PCBP3: variants seen among roughly 807,000 people sequenced by gnomAD.
PCBP3 encodes the protein poly(rC) binding protein 3.
A neutral mutation model predicts 52.7 loss-of-function variants in PCBP3; 25 were observed. That is an observed-to-expected ratio of 0.47 (90% CI 0.35 to 0.66). The LOEUF is 0.66. Among genes scored for constraint, PCBP3 ranks in the 30% least tolerant of loss-of-function variants. The pLI, the probability that PCBP3 is intolerant of heterozygous loss-of-function variation, is 0.01. For missense variants in PCBP3, 391 were observed against 490.3 expected, an observed-to-expected ratio of 0.80 and a Z score of 1.91; for synonymous variants, 162 against 183.0, an observed-to-expected ratio of 0.89 and a Z score of 0.93.
At chr21:45,742,967 T>C (rs1349006208) in intron 3 of PCBP3, among the ~76,000 whole-genome samples, 1 of 152,232 alleles carries the variant, frequency 6.6e-6, no homozygotes, top group African/African-American at 2.4e-5. Context: ...TATTGAGGTT[T>C]CTTTTCAAAT....
intron 4 of PCBP3, among the ~76,000 whole-genome samples, chr21:45,816,352 A>G (rs900416215): frequency 6.6e-6 from 1 of 152,050 alleles, no homozygotes; most frequent in African/African-American, 2.4e-5. Context: ...CGCTTAGCTT[A>G]AAACACAAAC....
chr21:45,843,616 T>C (rs966047074), intron 4 of PCBP3, among the ~76,000 whole-genome samples: 10 of 152,242 alleles, frequency 6.6e-5, no homozygotes, highest in Non-Finnish European at 1.5e-4. Context: ...AGGTCTGTTT[T>C]CTGATCTCAT....
chr21:45,814,268 A>G (rs1348525202), intron 4 of PCBP3, among the ~76,000 whole-genome samples: 1 of 152,242 alleles, frequency 6.6e-6, no homozygotes, highest in African/African-American at 2.4e-5. Flanking sequence ...TGGGTGAGTG[A>G]GTGGTGGGTG....
At chr21:45,844,851 G>A (rs1025558256) in intron 4 of PCBP3, among the ~76,000 whole-genome samples, 1 of 140,168 alleles carries the variant, frequency 7.1e-6, no homozygotes, top group Non-Finnish European at 1.6e-5. Context: ...CGTATATAAA[G>A]TTATAACTTT....
At chr21:45,846,398 T>C (rs1271119215) in intron 4 of PCBP3, among the ~76,000 whole-genome samples, 1 of 152,176 alleles carries the variant, frequency 6.6e-6, no homozygotes, top group African/African-American at 2.4e-5. Context: ...GAGGTTTTCT[T>C]TGTGCCCTAA....
chr21:45,905,760 C>T (rs1216103055), intron 9 of PCBP3, among the ~76,000 whole-genome samples: 1 of 152,210 alleles, frequency 6.6e-6, no homozygotes, highest in Non-Finnish European at 1.5e-5. Context: ...TTAGGGTCTA[C>T]TGTAGGGACC....
chr21:45,700,588 C>T (rs1718272182), intron 2 of PCBP3, among the ~76,000 whole-genome samples: 1 of 152,210 alleles, frequency 6.6e-6, no homozygotes, highest in Non-Finnish European at 1.5e-5. Context: ...AACCACCTCT[C>T]CGGTGCTAAC....
intron 4 of PCBP3, among the ~76,000 whole-genome samples, chr21:45,843,447 C>T (rs928248408): frequency 6.6e-6 from 1 of 152,184 alleles, no homozygotes; most frequent in Non-Finnish European, 1.5e-5. Flanking sequence ...TTTCCACTTT[C>T]TGTGGATACT....
chr21:45,909,608 C>T (rs990811961), intron 10 of PCBP3, 122 bp downstream of exon 10: 38 of 903,366 alleles, frequency 4.2e-5, no homozygotes, highest in Middle Eastern at 3.4e-4. Context: ...ATGCTGGCCA[C>T]GCAGACCCCA....
intron 4 of PCBP3, among the ~76,000 whole-genome samples, chr21:45,784,424 A>C (rs1448201309): frequency 1.3e-5 from 1 of 78,858 alleles, no homozygotes; most frequent in African/African-American, 5.5e-5. Context: ...CGCTACCCCT[A>C]CCTCCTACCT....
chr21:45,894,094 A>T, intron 5 of PCBP3: 1 of 941,358 alleles, frequency 1.1e-6, no homozygotes, highest in Non-Finnish European at 1.3e-6. Context: ...CAGCTCTGGG[A>T]GCTGCTGACT....
intron 5 of PCBP3, among the ~76,000 whole-genome samples, chr21:45,860,760 C>T (rs1277192520): frequency 1.3e-5 from 2 of 152,232 alleles, no homozygotes. Flanking sequence ...GTTACACACA[C>T]GTGATGCAGC....
rs1307674548 is a variant in PCBP3 at position 45,793,964 on chromosome 21, T to G, written c.-126+38512T>G. Among the ~76,000 whole-genome samples the G allele has an allele frequency of 3.9e-5, 6 of 152,334 alleles. No homozygotes were observed. The East Asian group carries it at 9.6e-4, about 24-fold the overall frequency. Reference sequence around the variant, plus strand: ...ATCTATGAAAGAAAACAAGTTTTGATTCCACAAATAATGGAGAGGAAAGCA... The same window carrying G: ...ATCTATGAAAGAAAACAAGTTTTGAGTCCACAAATAATGGAGAGGAAAGCA... On this transcript the variant is annotated intron_variant, in intron 4 of 17. Transcript: ENST00000681687.
At position 45,873,534 on chromosome 21, in the gene PCBP3, A is replaced by G. The variant is rs550226395; in HGVS notation, c.11-22674A>G. On this transcript the variant is annotated intron_variant, in intron 5 of 17. Coordinates refer to ENST00000681687, the MANE Select transcript of PCBP3 (RefSeq NM_001384156.1). Reference sequence around the variant, plus strand: ...CTCCCCTGCCTCCCAGCTCTGTGTAAATGGTGTCCTGTGCTGTCTTTCAGA... The same window carrying G: ...CTCCCCTGCCTCCCAGCTCTGTGTAGATGGTGTCCTGTGCTGTCTTTCAGA... 4.0e-4 allele frequency among the ~76,000 whole-genome samples: 61 copies of G among 152,160 alleles called. No individual in the cohort carries two copies. In the South Asian group the frequency reaches 0.012, roughly 31 times the overall value.
intron 2 of PCBP3, among the ~76,000 whole-genome samples, chr21:45,685,903 C>T (rs1355513990): frequency 6.6e-6 from 1 of 151,182 alleles, no homozygotes; most frequent in African/African-American, 2.4e-5. Context: ...AACAAAAAGC[C>T]TGTAAGATGA....
chr21:45,820,576 CAAG>C lies in PCBP3; in HGVS notation c.-125-29384_-125-29382del, dbSNP rs138241305. On this transcript the variant is annotated intron_variant, in intron 4 of 17. Coordinates refer to ENST00000681687, the MANE Select transcript of PCBP3 (RefSeq NM_001384156.1). ...TGGAAGGCAGCTGCAGACCACGAGT[CAAG>C]GAGGGGGTGAGACTGTGCTCCGGGG... Among the ~76,000 whole-genome samples the C allele has an allele frequency of 4.2e-3, 647 of 152,294 alleles. 6 individuals are homozygous for C. Among genetic ancestry groups the C allele is most frequent in the African/African-American group, 0.015 (618 of 41,562 alleles).
At chr21:45,862,192 G>T (rs1335871266) in intron 5 of PCBP3, among the ~76,000 whole-genome samples, 2 of 142,920 alleles carry the variant, frequency 1.4e-5, no homozygotes, top group Non-Finnish European at 3.0e-5. Flanking sequence ...GGGGCGGGTG[G>T]GGGGACACGT....
intron 4 of PCBP3, among the ~76,000 whole-genome samples, chr21:45,841,020 A>C (rs2093688745): frequency 1.3e-5 from 2 of 152,230 alleles, no homozygotes; most frequent in South Asian, 4.1e-4. Flanking sequence ...TACAGTATTC[A>C]GTACAGTCAT....
At chr21:45,899,433 C>A (rs1435816003) in intron 6 of PCBP3, among the ~76,000 whole-genome samples, 166 bp from the exon 7 acceptor site, 1 of 151,952 alleles carries the variant, frequency 6.6e-6, no homozygotes, top group Non-Finnish European at 1.5e-5. Flanking sequence ...GTACACACAC[C>A]CCTCCCCACC....
Sources: gnomAD v4.1 joint callset for allele counts (sites outside exome capture counted in the v4.1 genomes callset) on GRCh38, gnomAD v4.1.1 for gene constraint, MANE v1.5 for transcripts, NCBI Gene and HGNC (gene_info 2026-07-23, HGNC 2026-07-21) for gene names.